Variants in GABRB3 observed in about 807,000 individuals in gnomAD.
The protein encoded by GABRB3 is gamma-aminobutyric acid receptor subunit beta-3.
In GABRB3, 14 loss-of-function variants were observed where a neutral mutation model predicts 52.1. That is an observed-to-expected ratio of 0.27 (90% confidence interval 0.18 to 0.42). The LOEUF (loss-of-function observed/expected upper bound fraction) is 0.42, where lower values mean the gene tolerates loss of function less well. Ranked by LOEUF, GABRB3 falls within the 10% of genes least tolerant of loss-of-function variation. The probability of loss-of-function intolerance (pLI) is 1.00; values close to 1 mark genes in which losing one functional copy is unlikely to be tolerated. For missense variants in GABRB3, 307 were observed against 609.1 expected, an observed-to-expected ratio of 0.50 and a Z score of 5.22; for synonymous variants, 260 against 232.3, an observed-to-expected ratio of 1.12 and a Z score of -1.08.
intron 8 of GABRB3, among the ~76,000 whole-genome samples, chr15:26,552,237 C>A: frequency 6.6e-6 from 1 of 152,070 alleles, no homozygotes; most frequent in East Asian, 1.9e-4. Flanking sequence ...AAACTCCCGA[C>A]CTCAGGTGAT....
chr15:26,768,022 A>T (rs991523494), intron 3 of GABRB3, among the ~76,000 whole-genome samples: 1 of 151,560 alleles, frequency 6.6e-6, no homozygotes, highest in African/African-American at 2.4e-5. Context: ...CCTACACATT[A>T]AAAAAATGGA....
At chr15:26,565,381 A>C (rs118094503) in intron 7 of GABRB3, among the ~76,000 whole-genome samples, 1 of 152,250 alleles carries the variant, frequency 6.6e-6, no homozygotes, top group Admixed American at 6.5e-5. Flanking sequence ...CACAGCCCTA[A>C]GATCACAGCT....
intron 4 of GABRB3, among the ~76,000 whole-genome samples, chr15:26,599,633 CTCTGCCTGTGCAAGGT>C (rs1191737129): frequency 6.6e-6 from 1 of 152,202 alleles, no homozygotes; most frequent in Non-Finnish European, 1.5e-5. Flanking sequence ...AATTGAAAAG[CTCTGCCTGTGCAAGGT>C]TGTCATGAGC....
At chr15:26,732,569 A>C (rs1196500129) in intron 3 of GABRB3, among the ~76,000 whole-genome samples, 1 of 143,924 alleles carries the variant, frequency 6.9e-6, no homozygotes, top group Non-Finnish European at 1.5e-5. Flanking sequence ...TCTCCCAAAA[A>C]AATTTTTTTT....
intron 5 of GABRB3, among the ~76,000 whole-genome samples, chr15:26,581,366 G>A (rs1002474211): frequency 6.6e-6 from 1 of 152,172 alleles, no homozygotes; most frequent in African/African-American, 2.4e-5. Context: ...GACCAAAGCT[G>A]TAGGGTGGGG....
chr15:26,596,282 T>C (rs548480831), intron 4 of GABRB3, among the ~76,000 whole-genome samples: 11 of 152,078 alleles, frequency 7.2e-5, no homozygotes, highest in Admixed American at 2.6e-4. Context: ...CAAACAGTTA[T>C]AAATGAAAAA....
At chr15:26,683,450 A>G (rs969871246) in intron 3 of GABRB3, among the ~76,000 whole-genome samples, 5 of 151,984 alleles carry the variant, frequency 3.3e-5, no homozygotes, top group African/African-American at 1.2e-4. Context: ...TCTTTGCTCC[A>G]TCACCAGCCC....
At chr15:26,606,804 C>CGATAGATAGATCTATCGATAGATAGA (rs200249563) in intron 4 of GABRB3, among the ~76,000 whole-genome samples, 1 of 42,768 alleles carries the variant, frequency 2.3e-5, no homozygotes, top group Non-Finnish European at 5.8e-5. Flanking sequence ...ATAGATATAT[C>CGATAGATAGATCTATCGATAGATAGA]TATAGATAGA....
chr15:26,764,726 A>G (rs1319474762), intron 3 of GABRB3, among the ~76,000 whole-genome samples: 1 of 152,164 alleles, frequency 6.6e-6, no homozygotes, highest in Non-Finnish European at 1.5e-5. Context: ...TAAATGGCCC[A>G]GAAGTAAGTT....
intron 3 of GABRB3, among the ~76,000 whole-genome samples, chr15:26,715,708 G>A (rs1486466473): frequency 6.6e-6 from 1 of 152,144 alleles, no homozygotes; most frequent in East Asian, 1.9e-4. Context: ...TGGTTGCATT[G>A]TGATATTTAA....
intron 3 of GABRB3, among the ~76,000 whole-genome samples, chr15:26,680,696 T>C (rs1418250879): frequency 1.3e-5 from 2 of 152,226 alleles, no homozygotes; most frequent in African/African-American, 4.8e-5. Context: ...TAAACTTTTT[T>C]AGCTACTGAC....
At chr15:26,578,233 C>G (rs1019637786) in intron 6 of GABRB3, among the ~76,000 whole-genome samples, 3 of 152,190 alleles carry the variant, frequency 2.0e-5, no homozygotes, top group Non-Finnish European at 4.4e-5. Context: ...TAGAACACTG[C>G]AACTTATGCC....
intron 3 of GABRB3, chr15:26,624,880 T>C (rs1174009296): frequency 9.1e-6 from 9 of 985,342 alleles, no homozygotes; most frequent in Non-Finnish European, 9.6e-6. Context: ...GTGCCGCTCC[T>C]TGTGACGTGC....
intron 8 of GABRB3, 145 bp downstream of exon 8, chr15:26,560,787 G>C (rs2140679311): frequency 1.6e-6 from 2 of 1,232,874 alleles, no homozygotes; most frequent in East Asian, 4.7e-5. Flanking sequence ...TGGGTGCCAT[G>C]TCATAAGGGC....
intron 3 of GABRB3, among the ~76,000 whole-genome samples, chr15:26,632,655 A>G (rs1011753983): frequency 2.0e-5 from 3 of 152,158 alleles, no homozygotes; most frequent in Non-Finnish European, 2.9e-5. Context: ...TAAACTGTTC[A>G]TGCAGGTGCT....
chr15:26,602,381 G>A (rs1475898012), intron 4 of GABRB3, among the ~76,000 whole-genome samples: 2 of 152,016 alleles, frequency 1.3e-5, no homozygotes, highest in Non-Finnish European at 2.9e-5. Context: ...AGAAACATAA[G>A]ACTTAATCTG....
chr15:26,696,793 A>G (rs2140672884), intron 3 of GABRB3, among the ~76,000 whole-genome samples: 1 of 152,282 alleles, frequency 6.6e-6, no homozygotes, highest in South Asian at 2.1e-4. Context: ...GTACCTGAAC[A>G]CCAATGCGGG....
chr15:26,620,068 A>G (rs1459847761), intron 4 of GABRB3, among the ~76,000 whole-genome samples: 3 of 152,164 alleles, frequency 2.0e-5, no homozygotes, highest in Non-Finnish European at 1.5e-5. Flanking sequence ...ACTTCTGAAT[A>G]GTCTTTTGTA....
At chr15:26,734,642 A>T (rs1381579934) in intron 3 of GABRB3, among the ~76,000 whole-genome samples, 8 of 149,746 alleles carry the variant, frequency 5.3e-5, no homozygotes, top group African/African-American at 2.0e-4. Context: ...GAGTCTCAAA[A>T]AAAAAAAAAA....
Sources: gnomAD v4.1 joint callset for allele counts (sites outside exome capture counted in the v4.1 genomes callset) on GRCh38, gnomAD v4.1.1 for gene constraint, MANE v1.5 for transcripts, NCBI Gene and HGNC (gene_info 2026-07-23, HGNC 2026-07-21) for gene names.